The following KCNAB1 variants were observed in gnomAD, a reference collection of about 807,000 sequenced individuals.
KCNAB1 encodes the protein voltage-gated potassium channel subunit beta-1.
In KCNAB1, 35 loss-of-function variants were observed where a neutral mutation model predicts 64.6. The ratio of observed to expected loss-of-function variants is 0.54; its 90% CI spans 0.41 to 0.72. The LOEUF is 0.72. Among genes scored for constraint, KCNAB1 ranks in the 30% least tolerant of loss-of-function variants. The pLI is 0.00. For missense variants in KCNAB1, 401 were observed against 512.9 expected, an observed-to-expected ratio of 0.78 and a Z score of 2.11; for synonymous variants, 177 against 183.8, an observed-to-expected ratio of 0.96 and a Z score of 0.30.
At chr3:156,370,504 A>T (rs1726232004) in intron 1 of KCNAB1, among the ~76,000 whole-genome samples, 1 of 152,266 alleles carries the variant, frequency 6.6e-6, no homozygotes, top group South Asian at 2.1e-4. Context: ...CATGTTTATA[A>T]TGCCCCAGGA....
At chr3:156,227,748 A>G (rs1324728688) in intron 1 of KCNAB1, 3 of 152,238 alleles carry the variant, frequency 2.0e-5, no homozygotes, top group African/African-American at 7.2e-5. Context: ...CACAGTGGTA[A>G]GTTCTCACCC....
chr3:156,313,619 G>T (rs1159446297), intron 1 of KCNAB1, among the ~76,000 whole-genome samples: 2 of 152,198 alleles, frequency 1.3e-5, no homozygotes, highest in African/African-American at 2.4e-5. Context: ...GAAGGCAAGG[G>T]AAATGGATTC....
At chr3:156,373,602 C>T (rs889709484) in intron 1 of KCNAB1, among the ~76,000 whole-genome samples, 5 of 152,114 alleles carry the variant, frequency 3.3e-5, no homozygotes, top group Admixed American at 2.0e-4. Context: ...CACAGGATAA[C>T]AAAATACTTT....
chr3:156,141,201 T>G (rs1714685839), intron 1 of KCNAB1, among the ~76,000 whole-genome samples: 1 of 152,210 alleles, frequency 6.6e-6, no homozygotes, highest in African/African-American at 2.4e-5. Context: ...AATAGCACAA[T>G]CAGGAAACTG....
intron 2 of KCNAB1, among the ~76,000 whole-genome samples, chr3:156,431,062 G>C (rs564979377): frequency 6.6e-6 from 1 of 152,248 alleles, no homozygotes; most frequent in African/African-American, 2.4e-5. Flanking sequence ...TTCCCCATGA[G>C]AAATTTCAAA....
chr3:156,373,997 G>T (rs1470819285), intron 1 of KCNAB1, among the ~76,000 whole-genome samples: 5 of 152,190 alleles, frequency 3.3e-5, no homozygotes, highest in African/African-American at 1.2e-4. Context: ...AATGGCCAGG[G>T]TTAGATTCTT....
chr3:156,321,102 A>G (rs1396009575), intron 1 of KCNAB1, among the ~76,000 whole-genome samples: 1 of 152,164 alleles, frequency 6.6e-6, no homozygotes, highest in Non-Finnish European at 1.5e-5. Flanking sequence ...GCTGGAGCCC[A>G]GTAAGAGAAA....
intron 1 of KCNAB1, among the ~76,000 whole-genome samples, chr3:156,293,377 C>G (rs755447912): frequency 8.5e-5 from 13 of 152,088 alleles, no homozygotes; most frequent in Non-Finnish European, 1.9e-4. Context: ...TGTTAGGAAC[C>G]AGGTTTTAGT....
chr3:156,387,017 T>C (rs1396196089), intron 1 of KCNAB1, among the ~76,000 whole-genome samples: 26 of 137,626 alleles, frequency 1.9e-4, no homozygotes, highest in African/African-American at 2.9e-4. Flanking sequence ...TCTCTCTCTT[T>C]TTTTTTTTTT....
chr3:156,271,042 G>A (rs1719009218), intron 1 of KCNAB1, among the ~76,000 whole-genome samples: 1 of 152,208 alleles, frequency 6.6e-6, no homozygotes, highest in African/African-American at 2.4e-5. Context: ...CTACTGAAAA[G>A]TGTGCTGCTA....
intron 1 of KCNAB1, among the ~76,000 whole-genome samples, chr3:156,376,551 G>A: frequency 6.6e-6 from 1 of 152,212 alleles, no homozygotes; most frequent in Non-Finnish European, 1.5e-5. Flanking sequence ...CTATTGGGAG[G>A]TTGCTGTGGT....
At chr3:156,431,023 A>G (rs1221623225) in intron 2 of KCNAB1, among the ~76,000 whole-genome samples, 1 of 152,182 alleles carries the variant, frequency 6.6e-6, no homozygotes, top group Non-Finnish European at 1.5e-5. Flanking sequence ...ACCGGAATCC[A>G]TGTCTCTTGG....
chr3:156,393,174 GAC>G (rs1428718285), intron 1 of KCNAB1, among the ~76,000 whole-genome samples: 2 of 152,170 alleles, frequency 1.3e-5, no homozygotes, highest in Non-Finnish European at 2.9e-5. Flanking sequence ...CTCCAGAACA[GAC>G]TTGCGCCAGG....
intron 1 of KCNAB1, among the ~76,000 whole-genome samples, chr3:156,132,603 G>T (rs1167789596): frequency 6.6e-6 from 1 of 152,182 alleles, no homozygotes; most frequent in African/African-American, 2.4e-5. Context: ...TCAGGAGGCA[G>T]GATCAGGCAC....
chr3:156,276,714 A>G (rs901594193), intron 1 of KCNAB1, among the ~76,000 whole-genome samples: 1 of 152,140 alleles, frequency 6.6e-6, no homozygotes, highest in African/African-American at 2.4e-5. Flanking sequence ...TTTCATCTGT[A>G]GCTTTCCCAC....
At chr3:156,463,422 G>A (rs1285575405) in intron 5 of KCNAB1, among the ~76,000 whole-genome samples, 1 of 152,082 alleles carries the variant, frequency 6.6e-6, no homozygotes, top group Non-Finnish European at 1.5e-5. Flanking sequence ...TGGGCTTGCT[G>A]TCAGTTCCCA....
At chr3:156,236,314 G>C (rs184397366) in intron 1 of KCNAB1, among the ~76,000 whole-genome samples, 1 of 152,176 alleles carries the variant, frequency 6.6e-6, no homozygotes, top group Non-Finnish European at 1.5e-5. Flanking sequence ...CTGAGGGCTT[G>C]CCAGCTTTGC....
intron 1 of KCNAB1, among the ~76,000 whole-genome samples, chr3:156,327,209 C>G (rs959130199): frequency 3.3e-5 from 5 of 152,136 alleles, no homozygotes; most frequent in African/African-American, 1.2e-4. Flanking sequence ...TAATATCAGT[C>G]ACTTTATTTC....
intron 8 of KCNAB1, among the ~76,000 whole-genome samples, chr3:156,489,308 G>A (rs1329340417): frequency 6.6e-6 from 1 of 152,144 alleles, no homozygotes; most frequent in Non-Finnish European, 1.5e-5. Flanking sequence ...ATGGGGAGAA[G>A]CGTGTAATGT....
Sources: allele counts gnomAD v4.1 joint callset (sites outside exome capture counted in the v4.1 genomes callset), GRCh38; gene constraint gnomAD v4.1.1; transcripts MANE v1.5; gene names NCBI Gene and HGNC (gene_info 2026-07-23, HGNC 2026-07-21).